The following CAMTA1 variants were observed in gnomAD, a reference collection of about 807,000 sequenced individuals.
The protein encoded by CAMTA1 is calmodulin binding transcription activator 1, also known as calmodulin-binding transcription activator 1.
Under a neutral mutation model 170.9 loss-of-function variants are expected in CAMTA1, and 27 were observed. That is an observed-to-expected ratio of 0.16 (90% CI 0.12 to 0.22). CAMTA1 has a LOEUF of 0.22. Ranked by LOEUF, CAMTA1 falls within the 10% of genes least tolerant of loss-of-function variation. CAMTA1 has a pLI of 1.00. For synonymous variants in CAMTA1, 833 were observed against 891.5 expected (o/e 0.93, Z 1.17); for missense variants, 1,619 against 2,217.2 (o/e 0.73, Z 5.42).
chr1:7,100,676 C>T (rs1408674930), intron 4 of CAMTA1, among the ~76,000 whole-genome samples: 3 of 152,194 alleles, frequency 2.0e-5, no homozygotes, highest in African/African-American at 7.2e-5. Flanking sequence ...CCACACCAAG[C>T]CCCGGCGCTG....
Position 7,053,645 on chromosome 1 carries a change from C to T in CAMTA1, c.235-37659C>T, listed in dbSNP as rs1055087314. On this transcript the variant is annotated intron_variant, in intron 3 of 22. Coordinates refer to ENST00000303635, the MANE Select transcript of CAMTA1 (RefSeq NM_015215.4). ...CTTCCCCTTCCTCCCTCACTCCACT[C>T]TGGGGACACAGGCATCTTGGCCACT... Among the ~76,000 whole-genome samples the T allele has an allele frequency of 5.0e-4, 76 of 152,204 alleles. 3 individuals carry two copies. The highest frequency in any genetic ancestry group is 7.3e-5 in the Non-Finnish European group (5 of 68,042).
intron 3 of CAMTA1, among the ~76,000 whole-genome samples, chr1:6,989,566 A>G (rs1695969437): frequency 6.6e-6 from 1 of 152,164 alleles, no homozygotes; most frequent in African/African-American, 2.4e-5. Flanking sequence ...ATGAGAACTC[A>G]CCGTTCAAGG....
intron 4 of CAMTA1, among the ~76,000 whole-genome samples, chr1:7,122,477 C>T (rs757503783): frequency 3.9e-5 from 6 of 152,102 alleles, no homozygotes; most frequent in Non-Finnish European, 8.8e-5. Flanking sequence ...CCTGAAAGTG[C>T]AGTGGACAGA....
chr1:7,241,090 G>C (rs541421581), intron 4 of CAMTA1, among the ~76,000 whole-genome samples: 2 of 152,282 alleles, frequency 1.3e-5, no homozygotes, highest in East Asian at 3.9e-4. Context: ...AATAGGTTTA[G>C]CAAGGGTCAC....
chr1:7,000,812 C>T (rs1248903781), intron 3 of CAMTA1, among the ~76,000 whole-genome samples: 1 of 152,116 alleles, frequency 6.6e-6, no homozygotes, highest in Non-Finnish European at 1.5e-5. Flanking sequence ...TTAAAGTGGT[C>T]AGATTTGTTT....
intron 3 of CAMTA1, among the ~76,000 whole-genome samples, chr1:6,836,646 G>T (rs576836206): frequency 6.6e-6 from 1 of 152,152 alleles, no homozygotes; most frequent in African/African-American, 2.4e-5. Context: ...TCCAGGTGGG[G>T]CGTCTGCGGT....
At chr1:7,430,412 G>A (rs1410426379) in intron 5 of CAMTA1, among the ~76,000 whole-genome samples, 1 of 151,798 alleles carries the variant, frequency 6.6e-6, no homozygotes, top group African/African-American at 2.4e-5. Flanking sequence ...TGCTCATCAG[G>A]AGGATGATGA....
In CAMTA1 at chr1:6,844,732, A is replaced by G. The variant is rs184325162; in HGVS notation, c.234+19522A>G. ...AAAAAAAAGTTTACTGAAATGGTAT[A>G]TGGTGTAGAGTAGATTATTGAACAG... On this transcript the variant is annotated intron_variant, in intron 3 of 22. Coordinates refer to ENST00000303635, the MANE Select transcript of CAMTA1 (RefSeq NM_015215.4). Among the ~76,000 whole-genome samples the G allele has an allele frequency of 3.3e-5, 5 of 150,492 alleles. No individual in the cohort carries two copies. The East Asian group carries it at 9.7e-4, about 29-fold the overall frequency.
At chr1:7,072,666 G>C (rs751188295) in intron 3 of CAMTA1, among the ~76,000 whole-genome samples, 1 of 152,346 alleles carries the variant, frequency 6.6e-6, no homozygotes, top group Non-Finnish European at 1.5e-5. Context: ...AGGGGATGTT[G>C]CTATTTCACA....
At chr1:7,698,083 C>T (rs530532745) in intron 11 of CAMTA1, among the ~76,000 whole-genome samples, 1 of 142,448 alleles carries the variant, frequency 7.0e-6, no homozygotes, top group Non-Finnish European at 1.6e-5. Flanking sequence ...GACCCCCCCC[C>T]CCCCCACCAA....
At chr1:7,292,989 C>T (rs1052840558) in intron 5 of CAMTA1, among the ~76,000 whole-genome samples, 2 of 152,128 alleles carry the variant, frequency 1.3e-5, no homozygotes, top group Non-Finnish European at 2.9e-5. Context: ...AAGGCATGTC[C>T]TCCCTGCCTC....
intron 3 of CAMTA1, among the ~76,000 whole-genome samples, chr1:6,923,093 CAG>C (rs1406917113): frequency 2.0e-5 from 3 of 152,152 alleles, no homozygotes; most frequent in Non-Finnish European, 4.4e-5. Context: ...AGTAAAAGAA[CAG>C]AGACTTCAGG....
chr1:7,334,800 C>T (rs1200936053), intron 5 of CAMTA1, among the ~76,000 whole-genome samples: 1 of 152,120 alleles, frequency 6.6e-6, no homozygotes, highest in African/African-American at 2.4e-5. Context: ...GCAAATGAAG[C>T]CCAGCAGAAT....
At chr1:7,283,274 G>T (rs1482569726) in intron 5 of CAMTA1, among the ~76,000 whole-genome samples, 1 of 151,992 alleles carries the variant, frequency 6.6e-6, no homozygotes, top group Non-Finnish European at 1.5e-5. Flanking sequence ...GTTGTGCATG[G>T]TTTCTCATGT....
intron 7 of CAMTA1, among the ~76,000 whole-genome samples, chr1:7,647,050 G>T (rs1042894177): frequency 1.3e-5 from 2 of 152,316 alleles, no homozygotes; most frequent in Middle Eastern, 3.4e-3. Flanking sequence ...CTGAGCAGTG[G>T]CTGCAGTGGC....
chr1:7,525,048 G>A (rs1278794577), intron 6 of CAMTA1, among the ~76,000 whole-genome samples: 4 of 152,160 alleles, frequency 2.6e-5, no homozygotes, highest in Admixed American at 1.3e-4. Context: ...GAGAAATGCA[G>A]TCTAACACCC....
intron 5 of CAMTA1, among the ~76,000 whole-genome samples, chr1:7,410,774 A>G (rs2090652040): frequency 6.6e-6 from 1 of 152,184 alleles, no homozygotes; most frequent in African/African-American, 2.4e-5. Flanking sequence ...AATGCCTTCA[A>G]AATGCAGATG....
At chr1:7,421,832 CT>C (rs2091579366) in intron 5 of CAMTA1, among the ~76,000 whole-genome samples, 1 of 152,192 alleles carries the variant, frequency 6.6e-6, no homozygotes, top group African/African-American at 2.4e-5. Flanking sequence ...GGACCATACC[CT>C]CCTGCAGGCC....
chr1:7,573,463 A>G (rs75895217), intron 6 of CAMTA1, among the ~76,000 whole-genome samples: 4,916 of 152,306 alleles, frequency 0.032, 102 homozygotes, highest in Non-Finnish European at 0.048. Flanking sequence ...TGGCTGCCCT[A>G]ATAAATTACC....
Sources: allele counts gnomAD v4.1 joint callset (sites outside exome capture counted in the v4.1 genomes callset), GRCh38; gene constraint gnomAD v4.1.1; transcripts MANE v1.5; gene names NCBI Gene and HGNC (gene_info 2026-07-23, HGNC 2026-07-21).